REELD1: variants seen among roughly 807,000 people sequenced by gnomAD.
REELD1 encodes reeler domain containing 1.
REELD1 carries 12 observed loss-of-function variants against 6.3 expected under a neutral mutation model. The observed-to-expected ratio is 1.89, with a 90% CI of 1.21 to 3.07. The LOEUF (loss-of-function observed/expected upper bound fraction) is 3.07, where lower values mean the gene tolerates loss of function less well. REELD1 is among the 30% of genes most tolerant of loss of function. The pLI, the probability that REELD1 is intolerant of heterozygous loss-of-function variation, is 0.00. For missense variants in REELD1, 163 were observed against 86.8 expected, an observed-to-expected ratio of 1.88 and a Z score of -3.49; for synonymous variants, 57 against 33.6, an observed-to-expected ratio of 1.70 and a Z score of -2.42.
Position 146,230,841 on chromosome 4 carries a change from GTAAGGAAGCCA to G in REELD1, c.*331_*341del. 1 of 184,250 alleles carries G rather than the reference GTAAGGAAGCCA, an allele frequency of 5.4e-6. No individual in the cohort carries two copies. Among genetic ancestry groups the G allele is most frequent in the Non-Finnish European group, 1.1e-5 (1 of 89,506 alleles). The allele number at this position is 184,250 out of a possible 1,614,324, so 11.4% of individuals were successfully genotyped here. A position where few individuals can be genotyped will look rare whatever the true frequency, so the allele number is the denominator to read the frequency against. On this transcript the variant is annotated 3_prime_UTR_variant, in exon 8 of 8. Transcript: ENST00000623665. Reference sequence around the variant, plus strand: ...TGGCCACTAAGCTTCCTCTGTTGTGGTAAGGAAGCCATAGAAATAAAAATACTGTCCCTCCT... The same window carrying G: ...TGGCCACTAAGCTTCCTCTGTTGTGGTAGAAATAAAAATACTGTCCCTCCT...
chr4:146,227,698 GT>G (rs1560726643), intron 5 of REELD1, among the ~76,000 whole-genome samples: 1 of 152,194 alleles, frequency 6.6e-6, no homozygotes, highest in Non-Finnish European at 1.5e-5. Context: ...GGGCTGTCAG[GT>G]TAGCCAGTCA....
chr4:146,224,439 C>G lies in REELD1; in HGVS notation c.432-6C>G. 1.6e-6 allele frequency: 1 copy of G among 615,960 alleles called. No individual in the cohort carries two copies. The highest frequency in any genetic ancestry group is 1.9e-5 in the South Asian group (1 of 51,494). 38.2% of individuals were successfully genotyped at this position (615,960 alleles called of 1,614,324 possible). ...GTGAACTGCTCTGCTCTTTCTCTTT[C>G]CCCAGTTTATCAGTAGTCCAGTCAT... On this transcript the variant is annotated splice_region_variant and splice_polypyrimidine_tract_variant and intron_variant, in intron 4 of 7. Transcript: ENST00000623665.
chr4:146,222,306 A>G (rs1730938240), intron 3 of REELD1, 51 bp from the exon 4 acceptor site: 1 of 398,340 alleles, frequency 2.5e-6, no homozygotes, highest in South Asian at 1.3e-4. Context: ...TAAAATCACC[A>G]CACGGAACTA....
chr4:146,221,123 C>T (rs957843110), intron 3 of REELD1, among the ~76,000 whole-genome samples: 2 of 152,212 alleles, frequency 1.3e-5, no homozygotes, highest in Non-Finnish European at 2.9e-5. Flanking sequence ...AGCGCATTCA[C>T]ATTGTTGTAC....
rs2110922646 is a variant in REELD1, at chr4:146,225,264, T to C, written c.595+656T>C. ...ACCTATCTGAAAATCCCTGGTGGTATGGAACTCCTTTTTGTTGTTTATTTC... is the reference window on the plus strand; with the variant it reads ...ACCTATCTGAAAATCCCTGGTGGTACGGAACTCCTTTTTGTTGTTTATTTC... On this transcript the variant is annotated intron_variant, in intron 5 of 7. Transcript: ENST00000623665. Among the ~76,000 whole-genome samples the C allele has an allele frequency of 1.3e-5, 2 of 152,348 alleles. 1 individual carries two copies. The highest frequency in any genetic ancestry group is 4.1e-4 in the South Asian group (2 of 4,830).
Position 146,230,176 on chromosome 4 carries a change from G to C in REELD1, c.1244G>C (p.Gly415Ala). ...AGKGNGEGGV[G>A]YPRQTNPRPD... Reference sequence around the variant, plus strand: ...AAGGGAAATGGAGAGGGTGGAGTGGGATACCCTCGGCAGACCAACCCACGG... The same window carrying C: ...AAGGGAAATGGAGAGGGTGGAGTGGCATACCCTCGGCAGACCAACCCACGG... Residue 415 changes from glycine to alanine, a missense_variant, in exon 8 of 8, where the codon GGA becomes GCA. Gly to Ala is a moderately conservative substitution (Grantham distance 60). Transcript: ENST00000623665. 1 of 398,826 alleles carries C rather than the reference G, an allele frequency of 2.5e-6. No homozygotes were observed. The highest frequency in any genetic ancestry group is 4.4e-6 in the Non-Finnish European group (1 of 226,226). 24.7% of individuals were successfully genotyped at this position (398,826 alleles called of 1,614,324 possible).
chr4:146,230,012 G>C lies in REELD1; in HGVS notation c.1080G>C (p.Gly360=). The C allele has an allele frequency of 2.5e-6, 1 of 398,674 alleles. No homozygotes were observed. Among genetic ancestry groups the C allele is most frequent in the Non-Finnish European group, 4.4e-6 (1 of 226,122 alleles). The allele number at this position is 398,674 out of a possible 1,614,324, so 24.7% of individuals were successfully genotyped here. A position where few individuals can be genotyped will look rare whatever the true frequency, so the allele number is the denominator to read the frequency against. ...LWSSETFTGN[G]VRASNPIPVL... ...CCTCTGAAACTTTCACAGGGAATGG[G>C]GTCAGGGCAAGCAACCCAATCCCTG... Residue 360 remains glycine, a synonymous_variant, in exon 8 of 8, where the codon GGG becomes GGC. Coordinates refer to ENST00000623665, the MANE Select transcript of REELD1 (RefSeq NM_001354631.1).
chr4:146,222,250 C>T (rs1012935781), intron 3 of REELD1, 107 bp from the exon 4 acceptor site: 2 of 397,380 alleles, frequency 5.0e-6, no homozygotes, highest in Non-Finnish European at 8.9e-6. Context: ...GAATTGTTCA[C>T]TTTCTGGGGG....
At chr4:146,226,128 A>C (rs1262802789) in intron 5 of REELD1, among the ~76,000 whole-genome samples, 1 of 152,210 alleles carries the variant, frequency 6.6e-6, no homozygotes, top group Non-Finnish European at 1.5e-5. Context: ...AGGCAAGTAT[A>C]AATTATAAAT....
intron 3 of REELD1, among the ~76,000 whole-genome samples, chr4:146,218,750 G>T (rs568853104): frequency 6.6e-6 from 1 of 152,154 alleles, no homozygotes; most frequent in South Asian, 2.1e-4. Flanking sequence ...CTTCTTTGGG[G>T]GCTCCATCCA....
intron 3 of REELD1, among the ~76,000 whole-genome samples, chr4:146,218,038 G>T (rs778776387): frequency 7.9e-5 from 12 of 152,338 alleles, no homozygotes; most frequent in Non-Finnish European, 1.6e-4. Flanking sequence ...TTATGTGAGA[G>T]ATCATCCCAG....
chr4:146,218,026 G>A (rs2110916227), intron 3 of REELD1, among the ~76,000 whole-genome samples: 1 of 152,328 alleles, frequency 6.6e-6, no homozygotes, highest in Admixed American at 6.5e-5. Flanking sequence ...AGCGCAGGTG[G>A]TTTATGTGAG....
chr4:146,218,856 A>G (rs1418393835), intron 3 of REELD1, among the ~76,000 whole-genome samples: 1 of 152,178 alleles, frequency 6.6e-6, no homozygotes, highest in Non-Finnish European at 1.5e-5. Context: ...TAAGAATCAA[A>G]ACACTATGTC....
chr4:146,224,943 T>C (rs1268693946), intron 5 of REELD1, among the ~76,000 whole-genome samples: 1 of 152,192 alleles, frequency 6.6e-6, no homozygotes, highest in Non-Finnish European at 1.5e-5. Flanking sequence ...CCTCACAATA[T>C]TTCTGCTGTT....
intron 3 of REELD1, among the ~76,000 whole-genome samples, chr4:146,218,540 C>T (rs1456616235): frequency 6.6e-6 from 1 of 152,188 alleles, no homozygotes; most frequent in Non-Finnish European, 1.5e-5. Flanking sequence ...TATTGTTTTA[C>T]CCATTCATTT....
intron 3 of REELD1, among the ~76,000 whole-genome samples, chr4:146,220,555 C>T (rs1395801869): frequency 7.2e-5 from 11 of 152,182 alleles, no homozygotes; most frequent in African/African-American, 2.4e-4. Flanking sequence ...TAAGATTTTT[C>T]GATTTTCCTG....
At chr4:146,224,025 G>T (rs1201354665) in intron 4 of REELD1, among the ~76,000 whole-genome samples, 2 of 152,174 alleles carry the variant, frequency 1.3e-5, no homozygotes, top group African/African-American at 4.8e-5. Context: ...TCTACAATAA[G>T]GGTAGACATG....
chr4:146,226,117 T>C lies in REELD1; in HGVS notation c.595+1509T>C, dbSNP rs185166755. Among the ~76,000 whole-genome samples the C allele has an allele frequency of 1.4e-3, 208 of 152,304 alleles. 1 individual carries two copies. Among genetic ancestry groups the C allele is most frequent in the Non-Finnish European group, 1.9e-4 (13 of 68,024 alleles). On this transcript the variant is annotated intron_variant, in intron 5 of 7. Coordinates refer to ENST00000623665, the MANE Select transcript of REELD1 (RefSeq NM_001354631.1). ...GTTTCTTAACTGTACAAAGAATTCG[T>C]AGGCAAGTATAAATTATAAATTTTC...
At chr4:146,221,729 C>T (rs1046208354) in intron 3 of REELD1, among the ~76,000 whole-genome samples, 1 of 151,918 alleles carries the variant, frequency 6.6e-6, no homozygotes, top group African/African-American at 2.4e-5. Context: ...CGTGGTGGTG[C>T]GTGCCTGTAC....
Sources: allele counts gnomAD v4.1 joint callset (sites outside exome capture counted in the v4.1 genomes callset), GRCh38; gene constraint gnomAD v4.1.1; transcripts MANE v1.5; gene names NCBI Gene and HGNC (gene_info 2026-07-23, HGNC 2026-07-21).